KIF18B: variants seen among roughly 807,000 people sequenced by gnomAD.
The protein encoded by KIF18B is kinesin-like protein KIF18B.
A neutral mutation model predicts 80.9 loss-of-function variants in KIF18B; 49 were observed. The observed-to-expected ratio is 0.61, with a 90% CI of 0.48 to 0.77. The LOEUF is 0.77. Ranked by LOEUF, KIF18B falls within the 30% of genes least tolerant of loss-of-function variation. The pLI is 0.00. For synonymous variants in KIF18B, 439 were observed against 463.9 expected (o/e 0.95, Z 0.69); for missense variants, 994 against 1,127.7 (o/e 0.88, Z 1.70).
At chr17:44,936,596 CTCTATATA>C (rs1430746538) in intron 1 of KIF18B, among the ~76,000 whole-genome samples, 257 of 36,900 alleles carry the variant, frequency 7.0e-3, no homozygotes, top group Middle Eastern at 0.019. Context: ...CTCTCTCTCT[CTCTATATA>C]TATATATATA....
intron 1 of KIF18B, among the ~76,000 whole-genome samples, chr17:44,941,495 C>A (rs544169389): frequency 1.1e-4 from 17 of 152,166 alleles, no homozygotes; most frequent in African/African-American, 4.1e-4. Context: ...CCCACCATTA[C>A]GGCCAGGTAA....
chr17:44,937,818 T>C (rs1329086022), intron 1 of KIF18B, among the ~76,000 whole-genome samples: 1 of 152,194 alleles, frequency 6.6e-6, no homozygotes, highest in Non-Finnish European at 1.5e-5. Context: ...TCTTGTTTTG[T>C]TTCTGATTCT....
intron 2 of KIF18B, 82 bp downstream of exon 2, chr17:44,935,950 C>A: frequency 1.5e-6 from 2 of 1,310,048 alleles, no homozygotes; most frequent in South Asian, 1.2e-5. Flanking sequence ...GAGGCGGGCA[C>A]ATGCCAGAAG....
chr17:44,939,614 T>G (rs1276768014), intron 1 of KIF18B, among the ~76,000 whole-genome samples: 1 of 152,082 alleles, frequency 6.6e-6, no homozygotes, highest in African/African-American at 2.4e-5. Context: ...TTTGAATTTA[T>G]AGATTAATAT....
At position 44,925,811 on chromosome 17, in the gene KIF18B, C is replaced by A; in HGVS notation, c.*269G>T. The A allele has an allele frequency of 2.0e-6, 1 of 496,618 alleles. No individual in the cohort carries two copies. Among genetic ancestry groups the A allele is most frequent in the South Asian group, 2.5e-5 (1 of 40,258 alleles). The allele number at this position is 496,618 out of a possible 1,614,324, so 30.8% of individuals were successfully genotyped here. On this transcript the variant is annotated 3_prime_UTR_variant, in exon 16 of 16. Transcript: ENST00000593135. ...AAAAAAAACAAAAAACAAAAACCAC[C>A]AAAAAACAAAAAACAGCAGCACATT... is the stretch of plus-strand genomic sequence containing the variant.
chr17:44,931,313 C>T (rs957571780), intron 11 of KIF18B, among the ~76,000 whole-genome samples: 3 of 152,320 alleles, frequency 2.0e-5, no homozygotes, highest in Admixed American at 6.5e-5. Flanking sequence ...GAAAGCAAAG[C>T]GTAAGCCCCA....
chr17:44,936,213 C>A lies in KIF18B; in HGVS notation c.132G>T (p.Glu44Asp), dbSNP rs1350859290. Residue 44 changes from glutamate to aspartate, a missense_variant, in exon 2 of 16, where the codon GAG becomes GAT. Coordinates refer to ENST00000593135, the MANE Select transcript of KIF18B (RefSeq NM_001265577.2). ...TCAGGCCAGGGAACCCTCCATCGGG[C>A]TCCTCAGGGTTAAACACCAGCACCC... ...DERVLVFNPE[E>D]PDGGFPGLKW... 1 of 1,610,956 alleles carries A rather than the reference C, an allele frequency of 6.2e-7. No homozygotes were observed. Among genetic ancestry groups the A allele is most frequent in the Non-Finnish European group, 8.5e-7 (1 of 1,178,958 alleles).
rs765453241 is a variant in KIF18B, at chr17:44,927,058, G to A, written c.2297C>T (p.Thr766Ile). The change falls in exon 14 of 16, where the codon ACC becomes ATC. Residue 766 changes from threonine to isoleucine, a missense_variant. Coordinates refer to ENST00000593135, the MANE Select transcript of KIF18B (RefSeq NM_001265577.2). The surrounding 1 kb of genome is among the most constrained non-coding windows in gnomAD (Gnocchi z 4.1). ...AGATGTTGGCTTGGGGCCCTTCATG[G>A]TGAACAGGGGCACAGGTGCCCTGGG... ...FIPRAPVPLF[T>I]MKGPKPTSSL... 9.3e-6 allele frequency: 15 copies of A among 1,612,046 alleles called. No homozygotes were observed. In the African/African-American group the frequency reaches 1.6e-4, roughly 17 times the overall value.
At chr17:44,938,148 T>A (rs9635722) in intron 1 of KIF18B, among the ~76,000 whole-genome samples, 80,556 of 151,922 alleles carry the variant, frequency 0.53, 21,469 homozygotes, top group African/African-American at 0.61. Flanking sequence ...CCCCAGTAGC[T>A]GGGATTACAG....
In KIF18B at chr17:44,934,114, G is replaced by A; in HGVS notation, c.886-15C>T. ...GTCTTGCGGCCCTGGGGGGCAGTAA[G>A]CAGGTGTGGGGTGAGGCGACTGATG... On this transcript the variant is annotated splice_polypyrimidine_tract_variant and intron_variant, in intron 6 of 15. Coordinates refer to ENST00000593135, the MANE Select transcript of KIF18B (RefSeq NM_001265577.2). This position sits in a 1 kb window ranked among gnomAD's most constrained non-coding sequence, Gnocchi z 5.4. 6.8e-6 allele frequency: 11 copies of A among 1,611,508 alleles called. No homozygotes were observed. The highest frequency in any genetic ancestry group is 1.1e-5 in the South Asian group (1 of 90,660).
At chr17:44,932,389 G>A in intron 9 of KIF18B, 183 bp from the exon 10 acceptor site, 1 of 651,492 alleles carries the variant, frequency 1.5e-6, no homozygotes. Context: ...GAGGGTAGGA[G>A]GAGTCAGGGA....
At chr17:44,929,580 T>C (rs2052104998) in intron 11 of KIF18B, among the ~76,000 whole-genome samples, 1 of 152,150 alleles carries the variant, frequency 6.6e-6, no homozygotes, top group African/African-American at 2.4e-5. Context: ...CATAGGGTTA[T>C]TGGAAAGACT....
intron 11 of KIF18B, 144 bp downstream of exon 11, chr17:44,931,458 A>G: frequency 9.4e-6 from 10 of 1,064,316 alleles, no homozygotes; most frequent in Non-Finnish European, 1.4e-5. Context: ...TGACGATAAC[A>G]ACAAGGAGGT....
Position 44,933,935 on chromosome 17 carries a change from C to T in KIF18B, c.1050G>A (p.Glu350=). The T allele has an allele frequency of 6.4e-7, 1 of 1,568,042 alleles. No homozygotes were observed. The highest frequency in any genetic ancestry group is 8.6e-7 in the Non-Finnish European group (1 of 1,157,154). ...NTLKYADRAK[E]IRLSLKSNVT... ...GGCTGGCACGCACCGAGAGCCTGATCTCCTTGGCCCGGTCGGCATATTTGA... is the reference window on the plus strand; with the variant it reads ...GGCTGGCACGCACCGAGAGCCTGATTTCCTTGGCCCGGTCGGCATATTTGA... Residue 350 remains glutamate (E), a synonymous_variant, in exon 7 of 16, where the codon GAG becomes GAA. Coordinates refer to ENST00000593135, the MANE Select transcript of KIF18B (RefSeq NM_001265577.2).
intron 1 of KIF18B, among the ~76,000 whole-genome samples, chr17:44,947,091 AG>A (rs1194946486): frequency 3.6e-5 from 1 of 27,548 alleles, no homozygotes; most frequent in African/African-American, 1.3e-3. Context: ...CCTGGGAGAC[AG>A]AGAGAGAGAG....
chr17:44,927,073 G>A lies in KIF18B; in HGVS notation c.2282C>T (p.Pro761Leu). ...GCCCTTCATGGTGAACAGGGGCACA[G>A]GTGCCCTGGGGAGGGAGGACAGGGA... is the stretch of plus-strand genomic sequence containing the variant. ...RLDQPFIPRA[P>L]VPLFTMKGPK... The change falls in exon 14 of 16, where the codon CCT becomes CTT. Residue 761 changes from proline (P) to leucine (L), a missense_variant. Transcript: ENST00000593135. This position sits in a 1 kb window ranked among gnomAD's most constrained non-coding sequence, Gnocchi z 4.1. The A allele has an allele frequency of 6.2e-7, 1 of 1,608,686 alleles. No homozygotes were observed. Among genetic ancestry groups the A allele is most frequent in the Non-Finnish European group, 8.5e-7 (1 of 1,177,182 alleles).
chr17:44,934,000 T>C lies in KIF18B; in HGVS notation c.985A>G (p.Ser329Gly). ...TCCTCGTAGGTCAGGCTGGAGGGGC[T>C]GATGGCAGCGATCATCACTGTGCGG... is the stretch of plus-strand genomic sequence containing the variant. ...NCRTVMIAAI[S>G]PSSLTYEDTY... Residue 329 changes from serine to glycine, a missense_variant, in exon 7 of 16, where the codon AGC becomes GGC. Ser to Gly is a moderately conservative substitution (Grantham distance 56). Transcript: ENST00000593135. 1.2e-6 allele frequency: 2 copies of C among 1,609,054 alleles called. No individual in the cohort carries two copies. Among genetic ancestry groups the C allele is most frequent in the Non-Finnish European group, 8.5e-7 (1 of 1,177,946 alleles).
rs772824105 is a variant in KIF18B, at chr17:44,928,273, C to T, written c.2029G>A (p.Gly677Arg). 5 of 1,613,570 alleles carry T rather than the reference C, an allele frequency of 3.1e-6. No individual in the cohort carries two copies. The highest frequency in any genetic ancestry group is 1.1e-5 in the South Asian group (1 of 91,058). ...TGGCAGGGGGAGGAGGCCCTTTCTC[C>T]TTTGGGGGTGCTGGGCCCCTGTGAA... Reference protein sequence around the residue: ...QPSQGPSTPKGERASSPCHSP... With the variant: ...QPSQGPSTPKRERASSPCHSP... Residue 677 changes from glycine to arginine, a missense_variant, in exon 13 of 16, where the codon GGA (glycine) becomes AGA (arginine). Physicochemically the swap from Gly to Arg is moderately radical, Grantham distance 125. Coordinates refer to ENST00000593135, the MANE Select transcript of KIF18B (RefSeq NM_001265577.2).
intron 9 of KIF18B, 62 bp downstream of exon 9, chr17:44,932,611 G>A (rs1375723433): frequency 1.1e-6 from 1 of 893,998 alleles, no homozygotes; most frequent in Non-Finnish European, 1.9e-6. Flanking sequence ...TGGAGAAGAG[G>A]GCCTGGCTCC....
Sources: allele counts gnomAD v4.1 joint callset (sites outside exome capture counted in the v4.1 genomes callset), GRCh38; gene constraint gnomAD v4.1.1; non-coding constraint Gnocchi (gnomAD v3.1); transcripts MANE v1.5; gene names NCBI Gene and HGNC (gene_info 2026-07-23, HGNC 2026-07-21).